SETBP1: variants seen among roughly 807,000 people sequenced by gnomAD.
The protein encoded by SETBP1 is SET binding protein 1, also known as SET-binding protein.
SETBP1 carries 9 observed loss-of-function variants against 101.0 expected under a neutral mutation model. That is an observed-to-expected ratio of 0.09 (90% CI 0.05 to 0.16). The LOEUF (loss-of-function observed/expected upper bound fraction) is 0.16. Ranked by LOEUF, SETBP1 falls within the 10% of genes least tolerant of loss-of-function variation. The pLI, the probability that SETBP1 is intolerant of heterozygous loss-of-function variation, is 1.00. For synonymous variants in SETBP1, 818 were observed against 788.5 expected (o/e 1.04, Z -0.63); for missense variants, 1,858 against 2,033.8 (o/e 0.91, Z 1.66).
At chr18:44,800,465 C>A (rs775335512) in intron 2 of SETBP1, among the ~76,000 whole-genome samples, 4 of 152,076 alleles carry the variant, frequency 2.6e-5, no homozygotes, top group Admixed American at 2.0e-4. Context: ...AGCACGGATC[C>A]GACAATCAAA....
intron 4 of SETBP1, among the ~76,000 whole-genome samples, chr18:45,006,094 C>G (rs1222627577): frequency 6.6e-6 from 1 of 151,630 alleles, no homozygotes; most frequent in Non-Finnish European, 1.5e-5. Flanking sequence ...GCTGGGACTA[C>G]AGGCATGCAC....
intron 2 of SETBP1, among the ~76,000 whole-genome samples, chr18:44,868,704 AAGGAAGGGAGGAAG>A (rs2069191084): frequency 1.4e-4 from 1 of 6,936 alleles, no homozygotes; most frequent in African/African-American, 3.4e-4. Context: ...GAGAGGACGG[AAGGAAGGGAGGAAG>A]GAAGGAAGGA....
chr18:44,987,179 A>G (rs192091194), intron 4 of SETBP1: 79 of 152,268 alleles, frequency 5.2e-4, no homozygotes, highest in African/African-American at 1.5e-3. Context: ...TTTCACTACA[A>G]TTTTATGGGA....
intron 4 of SETBP1, among the ~76,000 whole-genome samples, chr18:44,994,567 G>A (rs935132017): frequency 3.9e-5 from 6 of 152,166 alleles, no homozygotes; most frequent in Non-Finnish European, 8.8e-5. Context: ...TTGCCCACAT[G>A]TGTAGAAGAT....
chr18:44,751,282 C>A (rs2070375235), intron 2 of SETBP1, among the ~76,000 whole-genome samples: 1 of 152,176 alleles, frequency 6.6e-6, no homozygotes, highest in Non-Finnish European at 1.5e-5. Flanking sequence ...GAGAACAGTT[C>A]ACAAACTCAC....
intron 3 of SETBP1, among the ~76,000 whole-genome samples, chr18:44,940,957 T>G (rs1005312867): frequency 2.0e-5 from 3 of 152,128 alleles, no homozygotes; most frequent in Non-Finnish European, 4.4e-5. Context: ...TATTTTGTCA[T>G]CATTTTTAAA....
intron 2 of SETBP1, among the ~76,000 whole-genome samples, chr18:44,844,359 A>G (rs1343905010): frequency 4.8e-5 from 7 of 144,386 alleles, no homozygotes; most frequent in Admixed American, 4.8e-4. Flanking sequence ...GCGCGCACAC[A>G]CACACACACA....
At chr18:44,770,876 G>T (rs891252028) in intron 2 of SETBP1, among the ~76,000 whole-genome samples, 6 of 152,094 alleles carry the variant, frequency 3.9e-5, no homozygotes, top group African/African-American at 1.2e-4. Flanking sequence ...GAAGGTGGAG[G>T]TGTGACTCCA....
intron 2 of SETBP1, among the ~76,000 whole-genome samples, chr18:44,723,378 T>G (rs1462682172): frequency 6.6e-6 from 1 of 152,150 alleles, no homozygotes; most frequent in Non-Finnish European, 1.5e-5. Context: ...CAAAGAATGT[T>G]AAAGCAGAAA....
rs141137185 is a variant in SETBP1 at position 45,038,520 on chromosome 18, G to A, written c.4036G>A (p.Ala1346Thr). 2 of 1,614,040 alleles carry A rather than the reference G, an allele frequency of 1.2e-6. No individual in the cohort carries two copies. Among genetic ancestry groups the A allele is most frequent in the African/African-American group, 1.3e-5 (1 of 74,914 alleles). Residue 1346 changes from alanine (A) to threonine (T), a missense_variant, in exon 5 of 6, where the codon GCA becomes ACA. By Grantham distance (58) the Ala-to-Thr change is moderately conservative (BLOSUM62 0). Transcript: ENST00000649279. ...PSPHLKVDQT[A>T]VHSKNEGSVP... ...TCCCCACTTAAAAGTGGACCAGACAGCAGTGCATAGTAAGAACGAAGGCTC... is the reference window on the plus strand; with the variant it reads ...TCCCCACTTAAAAGTGGACCAGACAACAGTGCATAGTAAGAACGAAGGCTC...
rs559031592 is a variant in SETBP1 at position 44,797,625 on chromosome 18, C to T, written c.487-71605C>T. 1.0e-3 allele frequency among the ~76,000 whole-genome samples: 153 copies of T among 152,232 alleles called. 1 individual carries two copies. The highest frequency in any genetic ancestry group is 1.2e-3 in the East Asian group (6 of 5,172). ...TGGCGAAAATGGTAGCTCTCTCTTGCGCCACCTCCCAGCTGCAAAACAGAG... is the reference window on the plus strand; with the variant it reads ...TGGCGAAAATGGTAGCTCTCTCTTGTGCCACCTCCCAGCTGCAAAACAGAG... On this transcript the variant is annotated intron_variant, in intron 2 of 5. Transcript: ENST00000649279.
chr18:44,750,405 C>T (rs1410384949), intron 2 of SETBP1, among the ~76,000 whole-genome samples: 1 of 150,438 alleles, frequency 6.6e-6, no homozygotes, highest in African/African-American at 2.4e-5. Flanking sequence ...GCTCTACCCT[C>T]CTGACCTCAT....
intron 2 of SETBP1, among the ~76,000 whole-genome samples, chr18:44,835,479 A>G (rs1158149279): frequency 1.3e-5 from 2 of 152,190 alleles, no homozygotes; most frequent in Non-Finnish European, 2.9e-5. Flanking sequence ...GCAAAAGTTT[A>G]GCAAATAAAA....
chr18:44,923,982 G>A (rs2070639439), intron 3 of SETBP1, among the ~76,000 whole-genome samples: 1 of 152,126 alleles, frequency 6.6e-6, no homozygotes. Context: ...AAGTCCCATG[G>A]CTGCCAGGGA....
At chr18:44,922,347 C>T (rs144392305) in intron 3 of SETBP1, among the ~76,000 whole-genome samples, 1 of 152,282 alleles carries the variant, frequency 6.6e-6, no homozygotes, top group East Asian at 1.9e-4. Context: ...GAGCTAGAGC[C>T]AGAACAAGAA....
chr18:45,061,024 C>T (rs2073883283), intron 5 of SETBP1, among the ~76,000 whole-genome samples: 2 of 152,158 alleles, frequency 1.3e-5, no homozygotes, highest in African/African-American at 2.4e-5. Flanking sequence ...CATTTGCTTC[C>T]TCTATGACTG....
At chr18:44,825,951 C>A (rs1026444224) in intron 2 of SETBP1, among the ~76,000 whole-genome samples, 6 of 152,200 alleles carry the variant, frequency 3.9e-5, no homozygotes, top group Non-Finnish European at 8.8e-5. Flanking sequence ...TCGATTTTCT[C>A]ATCTGCTAAT....
intron 1 of SETBP1, among the ~76,000 whole-genome samples, chr18:44,691,352 C>A (rs1339255463): frequency 6.6e-6 from 1 of 151,842 alleles, no homozygotes; most frequent in Non-Finnish European, 1.5e-5. Flanking sequence ...TAATGTTTAA[C>A]CACCCCCCGC....
Position 44,701,799 on chromosome 18 carries a change from G to T in SETBP1, c.453G>T (p.Thr151=), listed in dbSNP as rs760574580. The T allele has an allele frequency of 3.7e-6, 6 of 1,612,934 alleles. No homozygotes were observed. Among genetic ancestry groups the T allele is most frequent in the South Asian group, 3.3e-5 (3 of 91,064 alleles). ...GTGCTGGAAAAAATAGCAAAGCCAC[G>T]AAGGAGGAAGAAAGAAGCCACTCCA... ...VSRAGKNSKA[T]KEEERSHSKK... The change falls in exon 2 of 6, where the codon ACG becomes ACT. Residue 151 remains threonine (T), a synonymous_variant. Coordinates refer to ENST00000649279, the MANE Select transcript of SETBP1 (RefSeq NM_015559.3).
Sources: gnomAD v4.1 joint callset for allele counts (sites outside exome capture counted in the v4.1 genomes callset) on GRCh38, gnomAD v4.1.1 for gene constraint, MANE v1.5 for transcripts, NCBI Gene and HGNC (gene_info 2026-07-23, HGNC 2026-07-21) for gene names.